VPS13B: variants seen among roughly 807,000 people sequenced by gnomAD.
VPS13B encodes vacuolar protein sorting 13 homolog B, also known as intermembrane lipid transfer protein VPS13B.
In VPS13B, 285 loss-of-function variants were observed where a neutral mutation model predicts 426.4. That is an observed-to-expected ratio of 0.67 (90% CI 0.61 to 0.74). The LOEUF is 0.74. Among genes scored for constraint, VPS13B ranks in the 30% least tolerant of loss-of-function variants. The pLI is 0.00. For synonymous variants in VPS13B, 1,676 were observed against 1,676.4 expected (o/e 1.00, Z 0.01); for missense variants, 4,537 against 4,782.6 (o/e 0.95, Z 1.51).
At chr8:99,338,079 C>G (rs1811030007) in intron 19 of VPS13B, among the ~76,000 whole-genome samples, 1 of 152,116 alleles carries the variant, frequency 6.6e-6, no homozygotes, top group African/African-American at 2.4e-5. Flanking sequence ...ATGCCAGTTA[C>G]CATGGTCTTG....
intron 19 of VPS13B, among the ~76,000 whole-genome samples, chr8:99,337,452 A>G (rs187478365): frequency 3.3e-4 from 50 of 152,040 alleles, no homozygotes; most frequent in Non-Finnish European, 6.6e-4. Flanking sequence ...AGCATGGCAC[A>G]TGTATACGTA....
intron 33 of VPS13B, among the ~76,000 whole-genome samples, chr8:99,598,146 G>A (rs1827109329): frequency 6.6e-6 from 1 of 151,972 alleles, no homozygotes; most frequent in South Asian, 2.1e-4. Context: ...GAGAGAAGTT[G>A]GTGTTTGTGC....
chr8:99,730,242 A>AT (rs1055635555), intron 39 of VPS13B, among the ~76,000 whole-genome samples: 7 of 152,146 alleles, frequency 4.6e-5, no homozygotes, highest in African/African-American at 1.4e-4. Context: ...TATGAAATTC[A>AT]TTGTTGTTGA....
intron 17 of VPS13B, among the ~76,000 whole-genome samples, chr8:99,205,430 C>A (rs1030287148): frequency 6.6e-6 from 1 of 152,080 alleles, no homozygotes; most frequent in Non-Finnish European, 1.5e-5. Context: ...GTGGCTCGAA[C>A]CACCATGGTA....
intron 33 of VPS13B, among the ~76,000 whole-genome samples, chr8:99,618,678 T>C (rs1261475318): frequency 6.6e-6 from 1 of 152,184 alleles, no homozygotes; most frequent in African/African-American, 2.4e-5. Flanking sequence ...TTCCACAGAT[T>C]ATCTGGTATT....
chr8:99,171,584 G>C (rs1027548747), intron 16 of VPS13B, among the ~76,000 whole-genome samples: 1 of 152,054 alleles, frequency 6.6e-6, no homozygotes, highest in South Asian at 2.1e-4. Context: ...ACTGTCAAAT[G>C]TTACTTAAAA....
chr8:99,871,370 A>G, intron 60 of VPS13B, 78 bp from the exon 61 acceptor site: 1 of 1,608,830 alleles, frequency 6.2e-7, no homozygotes, highest in South Asian at 1.1e-5. Flanking sequence ...AGGTTGCCCC[A>G]TTGGTAAATA....
intron 22 of VPS13B, among the ~76,000 whole-genome samples, chr8:99,436,048 A>C (rs1817354965): frequency 2.0e-5 from 3 of 152,148 alleles, no homozygotes; most frequent in Admixed American, 2.0e-4. Context: ...AAAAGTTGTT[A>C]GTAGAAGAGA....
intron 3 of VPS13B, among the ~76,000 whole-genome samples, chr8:99,039,525 C>G (rs995531264): frequency 1.4e-4 from 21 of 149,678 alleles, no homozygotes; most frequent in Non-Finnish European, 1.3e-4. Flanking sequence ...AGTAGTGTGT[C>G]TGTCATTCAT....
chr8:99,560,736 C>T (rs890884114), intron 31 of VPS13B, among the ~76,000 whole-genome samples: 5 of 152,178 alleles, frequency 3.3e-5, no homozygotes, highest in Non-Finnish European at 5.9e-5. Context: ...TGGTGGCACA[C>T]CACAGCATCA....
intron 52 of VPS13B, 65 bp downstream of exon 52, chr8:99,832,717 C>G: frequency 6.5e-7 from 1 of 1,531,614 alleles, no homozygotes; most frequent in Admixed American, 1.7e-5. Context: ...CATCTAGATG[C>G]CAAGAGAGAT....
At chr8:99,239,862 T>C (rs1435791165) in intron 17 of VPS13B, among the ~76,000 whole-genome samples, 1 of 152,110 alleles carries the variant, frequency 6.6e-6, no homozygotes, top group Non-Finnish European at 1.5e-5. Flanking sequence ...ATTATAAAGG[T>C]TTCACTCTTT....
chr8:99,789,181 T>C (rs1171412989), intron 43 of VPS13B, among the ~76,000 whole-genome samples: 2 of 152,204 alleles, frequency 1.3e-5, no homozygotes, highest in Non-Finnish European at 2.9e-5. Flanking sequence ...TGCCTATCTT[T>C]TAGTAATTCC....
At chr8:99,835,470 A>G (rs1211580276) in intron 53 of VPS13B, 69 bp from the exon 54 acceptor site, 3 of 1,553,894 alleles carry the variant, frequency 1.9e-6, no homozygotes, top group Non-Finnish European at 1.8e-6. Flanking sequence ...CTTTTGCCAC[A>G]TTATGTTCTG....
chr8:99,156,588 C>T lies in VPS13B; in HGVS notation c.2053C>T (p.Leu685Phe), dbSNP rs774037673. ...CATGAATACTACAAACTTCCAGTCT[C>T]TTCGGCCTTTGCCATCCATTCGAAT... ...NFMNTTNFQS[L>F]RPLPSIRILV... is the part of the protein sequence containing the mutation. Residue 685 changes from leucine (L) to phenylalanine (F), a missense_variant, in exon 15 of 62, where the codon CTT becomes TTT. Physicochemically the swap from Leu to Phe is conservative, Grantham distance 22. Transcript: ENST00000357162. The T allele has an allele frequency of 2.5e-6, 4 of 1,614,118 alleles. No homozygotes were observed. In the East Asian group the frequency reaches 8.9e-5, roughly 36 times the overall value.
chr8:99,122,495 T>C (rs1361057807), intron 8 of VPS13B, among the ~76,000 whole-genome samples: 2 of 152,046 alleles, frequency 1.3e-5, no homozygotes, highest in African/African-American at 2.4e-5. Flanking sequence ...AAAATAAATA[T>C]AAAATTCCTA....
rs1402777361 is a variant in VPS13B at position 99,835,603 on chromosome 8, G to A, written c.9807G>A (p.Leu3269=). ...CCGAGTGCTCAATTCATCATGAGCT[G>A]TATCATCAGATTTCCAGTTATCCGG... ...IPSECSIHHE[L]YHQISSYPDC... The change falls in exon 54 of 62, where the codon CTG becomes CTA. Residue 3269 remains leucine, a synonymous_variant. Transcript: ENST00000357162. The A allele has an allele frequency of 2.5e-6, 4 of 1,614,128 alleles. No homozygotes were observed. The East Asian group carries it at 6.7e-5, about 27-fold the overall frequency.
intron 19 of VPS13B, among the ~76,000 whole-genome samples, chr8:99,278,478 A>G (rs1192290387): frequency 6.6e-6 from 1 of 152,250 alleles, no homozygotes; most frequent in East Asian, 1.9e-4. Flanking sequence ...CTTACAAATC[A>G]AAACTGTTTT....
chr8:99,844,111 G>A (rs534911926), intron 54 of VPS13B, among the ~76,000 whole-genome samples: 23 of 152,276 alleles, frequency 1.5e-4, no homozygotes, highest in African/African-American at 4.8e-4. Flanking sequence ...ATCTGCCTTC[G>A]TGTTCAGAGG....
Sources: gnomAD v4.1 joint callset for allele counts (sites outside exome capture counted in the v4.1 genomes callset) on GRCh38, gnomAD v4.1.1 for gene constraint, MANE v1.5 for transcripts, NCBI Gene and HGNC (gene_info 2026-07-23, HGNC 2026-07-21) for gene names.